Variants in ABCD3 observed in about 807,000 individuals in gnomAD.
ABCD3 encodes ATP-binding cassette sub-family D member 3.
Under a neutral mutation model 105.5 loss-of-function variants are expected in ABCD3, and 41 were observed. The observed-to-expected ratio is 0.39, with a 90% CI of 0.30 to 0.50. The LOEUF (loss-of-function observed/expected upper bound fraction) is 0.50. Among genes scored for constraint, ABCD3 ranks in the 20% least tolerant of loss-of-function variants. The pLI, the probability that ABCD3 is intolerant of heterozygous loss-of-function variation, is 0.84. For missense variants in ABCD3, 622 were observed against 806.3 expected, an observed-to-expected ratio of 0.77 and a Z score of 2.77; for synonymous variants, 258 against 269.0, an observed-to-expected ratio of 0.96 and a Z score of 0.40.
intron 4 of ABCD3, 146 bp from the exon 5 acceptor site, chr1:94,473,620 C>T (rs1013351130): frequency 2.9e-6 from 2 of 679,262 alleles, no homozygotes; most frequent in Non-Finnish European, 2.6e-6. Context: ...CATGTTTTTG[C>T]AAAAAAGTGG....
At chr1:94,479,554 T>C (rs537736510) in intron 8 of ABCD3, among the ~76,000 whole-genome samples, 18 of 152,046 alleles carry the variant, frequency 1.2e-4, no homozygotes, top group Non-Finnish European at 2.4e-4. Context: ...AACAGGTAGA[T>C]AGTCAAACAA....
chr1:94,445,151 G>T (rs1037537686), intron 1 of ABCD3, among the ~76,000 whole-genome samples: 3 of 152,178 alleles, frequency 2.0e-5, no homozygotes, highest in Non-Finnish European at 4.4e-5. Flanking sequence ...CAATAAATAT[G>T]TGGGTAAATC....
rs747584340 is a variant in ABCD3 at position 94,418,443 on chromosome 1, G to GCCGCCGCCGCCGCCGCCGCCGC, written c.-35_-34insCGCCGCCGCCGCCGCCGCCGCC. On this transcript the variant is annotated 5_prime_UTR_variant, in exon 1 of 23. Transcript: ENST00000370214. ...GGTAGCCGCCGCCGCCGCCGCCGCC[G>GCCGCCGCCGCCGCCGCCGCCGC]CGTCCCCTCGCCGGCTCGCTGGTAC... 2 of 1,549,476 alleles carry GCCGCCGCCGCCGCCGCCGCCGC rather than the reference G, an allele frequency of 1.3e-6. No homozygotes were observed. Among genetic ancestry groups the GCCGCCGCCGCCGCCGCCGCCGC allele is most frequent in the Non-Finnish European group, 1.7e-6 (2 of 1,146,446 alleles).
intron 1 of ABCD3, among the ~76,000 whole-genome samples, chr1:94,450,242 G>A (rs907680655): frequency 6.6e-6 from 1 of 152,232 alleles, no homozygotes; most frequent in East Asian, 1.9e-4. Flanking sequence ...CCTGCGAGAA[G>A]TAGCTCACTG....
intron 1 of ABCD3, among the ~76,000 whole-genome samples, chr1:94,441,216 AG>A (rs1411850083): frequency 6.6e-5 from 10 of 152,248 alleles, no homozygotes; most frequent in African/African-American, 2.4e-4. Flanking sequence ...TATATATCAC[AG>A]ATATAGGGCT....
chr1:94,388,955 A>G, the ABCD3 span, among the ~76,000 whole-genome samples: 1 of 152,060 alleles, frequency 6.6e-6, no homozygotes, highest in Non-Finnish European at 1.5e-5. Flanking sequence ...TGCCCATCTG[A>G]GTGAAGAGAG....
intron 1 of ABCD3, among the ~76,000 whole-genome samples, chr1:94,425,859 T>G (rs1399165822): frequency 6.6e-6 from 1 of 152,234 alleles, no homozygotes; most frequent in Non-Finnish European, 1.5e-5. Context: ...TGTTAAAGAA[T>G]AGTCTTTAGA....
chr1:94,475,732 AGTAAG>A lies in ABCD3; in HGVS notation c.627+1_627+5del, dbSNP rs772712872. On this transcript the variant is annotated frameshift_variant and splice_region_variant, in exon 7 of 23. Coordinates refer to ENST00000370214, the MANE Select transcript of ABCD3 (RefSeq NM_002858.4). LOFTEE classifies it high-confidence loss of function. ...TGTAGTCGATCTGTATTCAAATCTT[AGTAAG>A]GTAAGTTTCTCTCCTTTTTAAAAGA... 3 of 1,602,406 alleles carry A rather than the reference AGTAAG, an allele frequency of 1.9e-6. No homozygotes were observed. Among genetic ancestry groups the A allele is most frequent in the Non-Finnish European group, 1.7e-6 (2 of 1,170,196 alleles).
intron 4 of ABCD3, among the ~76,000 whole-genome samples, chr1:94,470,367 A>G (rs1181945392): frequency 6.6e-6 from 1 of 152,200 alleles, no homozygotes; most frequent in Non-Finnish European, 1.5e-5. Context: ...AGAGATTCTG[A>G]TTCAATTAAT....
intron 1 of ABCD3, among the ~76,000 whole-genome samples, chr1:94,430,186 T>G (rs1659619178): frequency 6.6e-6 from 1 of 152,234 alleles, no homozygotes; most frequent in Non-Finnish European, 1.5e-5. Context: ...ATGGCTGTAT[T>G]TACCCAATGC....
intron 10 of ABCD3, among the ~76,000 whole-genome samples, chr1:94,486,840 C>T (rs1649299902): frequency 6.6e-6 from 1 of 152,082 alleles, no homozygotes; most frequent in Non-Finnish European, 1.5e-5. Context: ...TTTGAGAAAC[C>T]GTTATTTCTG....
Position 94,483,176 on chromosome 1 carries a change from A to G in ABCD3, c.834A>G (p.Glu278=). The part of the protein sequence containing the change: ...VNSRLITNSE[E]IAFYNGNKRE... Reference sequence around the variant, plus strand: ...AAATTATTTTCTTTAATAGTGAAGAAATTGCCTTTTACAATGGGAATAAAA... The same window carrying G: ...AAATTATTTTCTTTAATAGTGAAGAGATTGCCTTTTACAATGGGAATAAAA... The change falls in exon 10 of 23, where the codon GAA becomes GAG. Residue 278 remains glutamate (E), a synonymous_variant. Coordinates refer to ENST00000370214, the MANE Select transcript of ABCD3 (RefSeq NM_002858.4). 6.2e-7 allele frequency: 1 copy of G among 1,606,892 alleles called. No individual in the cohort carries two copies. Among genetic ancestry groups the G allele is most frequent in the Non-Finnish European group, 8.5e-7 (1 of 1,173,666 alleles).
In ABCD3 at chr1:94,499,101, T is replaced by C; in HGVS notation, c.1620+67T>C. 5.9e-6 allele frequency: 8 copies of C among 1,366,782 alleles called. No individual in the cohort carries two copies. In the South Asian group the frequency reaches 9.4e-5, roughly 16 times the overall value. The allele number at this position is 1,366,782 out of a possible 1,614,324, so 84.7% of individuals were successfully genotyped here. A position where few individuals can be genotyped will look rare whatever the true frequency, so the allele number is the denominator to read the frequency against. ...AGATTATTTATTTTAATCAATTAAGTATTTTAAATGCCAGGTAGTTTATCT... is the reference window on the plus strand; with the variant it reads ...AGATTATTTATTTTAATCAATTAAGCATTTTAAATGCCAGGTAGTTTATCT... On this transcript the variant is annotated intron_variant, in intron 19 of 22. Coordinates refer to ENST00000370214, the MANE Select transcript of ABCD3 (RefSeq NM_002858.4).
intron 10 of ABCD3, among the ~76,000 whole-genome samples, chr1:94,483,915 A>G (rs1649153927): frequency 1.3e-5 from 2 of 152,370 alleles, no homozygotes; most frequent in Admixed American, 6.5e-5. Context: ...GCTAATATCC[A>G]GAATCTACAA....
intron 1 of ABCD3, among the ~76,000 whole-genome samples, chr1:94,458,043 T>G (rs1035088822): frequency 1.3e-5 from 2 of 152,142 alleles, no homozygotes; most frequent in African/African-American, 4.8e-5. Context: ...TTATATTGTT[T>G]TGGGAGGTAG....
chr1:94,405,485 G>A, the ABCD3 span, among the ~76,000 whole-genome samples: 3 of 151,970 alleles, frequency 2.0e-5, no homozygotes, highest in African/African-American at 7.2e-5. Context: ...TGTATTTTTA[G>A]TACAGACAGG....
At position 94,517,228 on chromosome 1, in the gene ABCD3, T is replaced by TAAA; in HGVS notation, c.*108_*110dup. On this transcript the variant is annotated 3_prime_UTR_variant, in exon 23 of 23. Transcript: ENST00000370214. ...AAATAAAGTTGAGCTTAGTTTTTTT[T>TAAA]AAAAAAAAAAACAAAGCAACAAATT... is the stretch of plus-strand genomic sequence containing the variant. 1.3e-6 allele frequency: 1 copy of TAAA among 781,648 alleles called. No individual in the cohort carries two copies. The highest frequency in any genetic ancestry group is 2.1e-6 in the Non-Finnish European group (1 of 484,916). 48.4% of individuals were successfully genotyped at this position (781,648 alleles called of 1,614,324 possible).
At chr1:94,418,622 G>A in intron 1 of ABCD3, 34 bp downstream of exon 1, 3 of 1,554,188 alleles carry the variant, frequency 1.9e-6, no homozygotes, top group Non-Finnish European at 2.6e-6. Context: ...GCTTTCCCGG[G>A]CTGGAGCGGG....
chr1:94,436,858 G>C (rs1023186872), intron 1 of ABCD3, among the ~76,000 whole-genome samples: 3 of 152,190 alleles, frequency 2.0e-5, no homozygotes, highest in Non-Finnish European at 4.4e-5. Context: ...AAGGAAAACT[G>C]CTCCTTCAGT....
Sources: gnomAD v4.1 joint callset for allele counts (sites outside exome capture counted in the v4.1 genomes callset) on GRCh38, gnomAD v4.1.1 for gene constraint, MANE v1.5 for transcripts, NCBI Gene and HGNC (gene_info 2026-07-23, HGNC 2026-07-21) for gene names.